TTLL5: variants seen among roughly 807,000 people sequenced by gnomAD.
TTLL5 encodes the protein tubulin polyglutamylase TTLL5.
Under a neutral mutation model 168.4 loss-of-function variants are expected in TTLL5, and 132 were observed. The observed-to-expected ratio is 0.78, with a 90% CI of 0.68 to 0.91. The LOEUF is 0.91. TTLL5 is among the 40% of genes least tolerant of loss of function. The pLI is 0.00. For synonymous variants in TTLL5, 546 were observed against 558.6 expected (o/e 0.98, Z 0.32); for missense variants, 1,545 against 1,581.5 (o/e 0.98, Z 0.39).
intron 3 of TTLL5, among the ~76,000 whole-genome samples, chr14:75,680,411 G>A (rs777466939): frequency 3.3e-5 from 5 of 152,080 alleles, no homozygotes; most frequent in Admixed American, 6.6e-5. Flanking sequence ...TTTAAGAGAC[G>A]TCTAGAAATC....
intron 27 of TTLL5, among the ~76,000 whole-genome samples, chr14:75,817,207 T>G (rs1385980487): frequency 6.6e-6 from 1 of 151,798 alleles, no homozygotes; most frequent in African/African-American, 2.4e-5. Context: ...CTCGATGTCT[T>G]GACCTCATGA....
At chr14:75,952,306 C>A (rs1386042273) in intron 31 of TTLL5, among the ~76,000 whole-genome samples, 1 of 152,020 alleles carries the variant, frequency 6.6e-6, no homozygotes, top group African/African-American at 2.4e-5. Context: ...GAGACCCCAT[C>A]TGCACCAAAA....
intron 31 of TTLL5, among the ~76,000 whole-genome samples, chr14:75,904,578 C>T (rs539459689): frequency 2.0e-5 from 3 of 152,218 alleles, no homozygotes; most frequent in East Asian, 1.9e-4. Flanking sequence ...CTCTTGGTAA[C>T]GTTATTTAGA....
Position 75,799,212 on chromosome 14 carries a change from C to T in TTLL5, c.3171+6112C>T, listed in dbSNP as rs142909726. ...TATTGGACTAGTCCTTTTATCATTA[C>T]GTAATGTCCCTCTTTGTCTCTTTAA... On this transcript the variant is annotated intron_variant, in intron 27 of 31. Transcript: ENST00000298832. 2.3e-3 allele frequency among the ~76,000 whole-genome samples: 353 copies of T among 152,182 alleles called. 1 individual carries two copies. Among genetic ancestry groups the T allele is most frequent in the African/African-American group, 7.8e-3 (325 of 41,542 alleles).
chr14:75,669,704 T>C (rs1397844050), intron 3 of TTLL5, among the ~76,000 whole-genome samples, 182 bp downstream of exon 3: 1 of 152,146 alleles, frequency 6.6e-6, no homozygotes, highest in Non-Finnish European at 1.5e-5. Context: ...TTTCCTCTGA[T>C]TTTTTTTCAA....
intron 4 of TTLL5, 100 bp from the exon 5 acceptor site, chr14:75,683,450 T>C: frequency 1.0e-6 from 1 of 954,060 alleles, no homozygotes; most frequent in Non-Finnish European, 1.7e-6. Context: ...GAGTACACTG[T>C]GGATGAAAAA....
At chr14:75,863,911 TAAAAAAAAAAAAA>T in intron 29 of TTLL5, 49 bp downstream of exon 29, 1 of 98,534 alleles carries the variant, frequency 1.0e-5, no homozygotes, top group South Asian at 6.5e-4. Context: ...CTGCTGTTGG[TAAAAAAAAAAAAA>T]AAAAAAAAAA....
chr14:75,773,338 C>T (rs1033614600), intron 21 of TTLL5, among the ~76,000 whole-genome samples: 1 of 152,092 alleles, frequency 6.6e-6, no homozygotes, highest in Non-Finnish European at 1.5e-5. Flanking sequence ...CTTAAACCAC[C>T]CTATAGTAAA....
intron 30 of TTLL5, among the ~76,000 whole-genome samples, chr14:75,884,501 G>A (rs2031992269): frequency 6.6e-6 from 1 of 152,208 alleles, no homozygotes; most frequent in Non-Finnish European, 1.5e-5. Flanking sequence ...CATTTTTGTG[G>A]TTTCTTCTTT....
chr14:75,843,337 G>C (rs1373849673), intron 28 of TTLL5, among the ~76,000 whole-genome samples: 1 of 152,166 alleles, frequency 6.6e-6, no homozygotes, highest in Non-Finnish European at 1.5e-5. Flanking sequence ...AGGGCTCCCT[G>C]AGCTTATGAC....
intron 5 of TTLL5, chr14:75,689,600 A>C (rs538909221): frequency 6.6e-6 from 1 of 152,244 alleles, no homozygotes; most frequent in African/African-American, 2.4e-5. Context: ...AATGCCTTCA[A>C]CTGGTGAATG....
At chr14:75,771,630 T>G in intron 20 of TTLL5, 104 bp from the exon 21 acceptor site, 1 of 1,511,626 alleles carries the variant, frequency 6.6e-7, no homozygotes. Flanking sequence ...TTCTTAGCCA[T>G]CATAATAGAA....
rs553023075 is a variant in TTLL5 at position 75,761,148 on chromosome 14, A to G, written c.1551-3467A>G. Among the ~76,000 whole-genome samples the G allele has an allele frequency of 4.6e-5, 7 of 152,306 alleles. No individual in the cohort carries two copies. In the East Asian group the frequency reaches 7.7e-4, roughly 17 times the overall value. On this transcript the variant is annotated intron_variant, in intron 18 of 31. Coordinates refer to ENST00000298832, the MANE Select transcript of TTLL5 (RefSeq NM_015072.5). ...TTATGAAAATGTGCTTAACAACATT[A>G]GTTATCAGGGAATTACAAAGTAAAA...
In TTLL5 at chr14:75,831,437, T is replaced by C. The variant is rs529445921; in HGVS notation, c.3326+11276T>C. 4.5e-3 allele frequency among the ~76,000 whole-genome samples: 678 copies of C among 152,290 alleles called. 1 individual carries two copies. The highest frequency in any genetic ancestry group is 6.7e-3 in the Non-Finnish European group (458 of 68,024). ...TTTTAAAGCAGATCCCAGCATTATCTTTTTATTTTCTGAGATGTGTCCATG... is the reference window on the plus strand; with the variant it reads ...TTTTAAAGCAGATCCCAGCATTATCCTTTTATTTTCTGAGATGTGTCCATG... On this transcript the variant is annotated intron_variant, in intron 28 of 31. Coordinates refer to ENST00000298832, the MANE Select transcript of TTLL5 (RefSeq NM_015072.5).
chr14:75,862,175 GC>G, intron 28 of TTLL5, among the ~76,000 whole-genome samples: 1 of 152,200 alleles, frequency 6.6e-6, no homozygotes, highest in Non-Finnish European at 1.5e-5. Flanking sequence ...ATGTGCTGCA[GC>G]ATATGTCAGA....
At chr14:75,667,764 T>TTG (rs1555379901) in intron 2 of TTLL5, among the ~76,000 whole-genome samples, 4 of 144,776 alleles carry the variant, frequency 2.8e-5, no homozygotes, top group Admixed American at 1.4e-4. Context: ...TTTTTTTTTT[T>TTG]TTTTTTTTTT....
intron 31 of TTLL5, among the ~76,000 whole-genome samples, chr14:75,931,455 A>G (rs763805381): frequency 2.0e-5 from 3 of 152,144 alleles, no homozygotes; most frequent in Admixed American, 6.5e-5. Flanking sequence ...AACAAGTCCA[A>G]TTTCATTCAT....
chr14:75,759,360 T>C (rs900885790), intron 18 of TTLL5, among the ~76,000 whole-genome samples: 6 of 152,158 alleles, frequency 3.9e-5, no homozygotes, highest in African/African-American at 1.4e-4. Context: ...TGAAAAGCCC[T>C]GTATCTGTTG....
chr14:75,842,570 C>T (rs1896317846), intron 28 of TTLL5, among the ~76,000 whole-genome samples: 1 of 152,142 alleles, frequency 6.6e-6, no homozygotes, highest in African/African-American at 2.4e-5. Flanking sequence ...CTGATCCTCT[C>T]CCCTTCCTAA....
Sources: gnomAD v4.1 joint callset for allele counts (sites outside exome capture counted in the v4.1 genomes callset) on GRCh38, gnomAD v4.1.1 for gene constraint, MANE v1.5 for transcripts, NCBI Gene and HGNC (gene_info 2026-07-23, HGNC 2026-07-21) for gene names.